IL36B: variants seen among roughly 807,000 people sequenced by gnomAD.
The protein encoded by IL36B is interleukin-36 beta.
Under a neutral mutation model 19.3 loss-of-function variants are expected in IL36B, and 23 were observed. The observed-to-expected ratio is 1.19, with a 90% confidence interval of 0.86 to 1.69. The LOEUF (loss-of-function observed/expected upper bound fraction) is 1.69. IL36B is among the 40% of genes most tolerant of loss of function. The pLI is 0.00. For missense variants in IL36B, 217 were observed against 200.5 expected (o/e 1.08, Z -0.50); for synonymous variants, 59 against 59.7 (o/e 0.99, Z 0.05).
In IL36B at chr2:113,029,061, C is replaced by T. The variant is rs1250810690; in HGVS notation, c.139G>A (p.Ala47Thr). ...TCACTGAATTCTGTGTCTCTACAGG[C>T]TATTAAATGAAGAGTGACTGGAAAC... is the stretch of plus-strand genomic sequence containing the variant. Residue 47 changes from alanine to threonine, a missense_variant, in exon 4 of 6, where the codon GCC (alanine) becomes ACC (threonine). Transcript: ENST00000259213. The T allele has an allele frequency of 6.2e-7, 1 of 1,612,668 alleles. No individual in the cohort carries two copies. The highest frequency in any genetic ancestry group is 8.5e-7 in the Non-Finnish European group (1 of 1,179,452).
intron 1 of IL36B, among the ~76,000 whole-genome samples, chr2:113,042,062 A>G (rs1014310376): frequency 4.6e-5 from 7 of 152,222 alleles, no homozygotes; most frequent in Non-Finnish European, 1.5e-5. Flanking sequence ...ACTTCACCTC[A>G]TAAGGACAAC....
chr2:113,022,526 C>A lies in IL36B; in HGVS notation c.*148G>T. The A allele has an allele frequency of 1.7e-6, 1 of 589,306 alleles. No individual in the cohort carries two copies. The highest frequency in any genetic ancestry group is 3.0e-5 in the Admixed American group (1 of 33,184). 36.5% of individuals were successfully genotyped at this position (589,306 alleles called of 1,614,324 possible). A position where few individuals can be genotyped will look rare whatever the true frequency, so the allele number is the denominator to read the frequency against. ...GCTTTACAGGTAAGATTTACCAACTCTTTAAAAATACATAGTGTCCTTGTT... is the reference window on the plus strand; with the variant it reads ...GCTTTACAGGTAAGATTTACCAACTATTTAAAAATACATAGTGTCCTTGTT... On this transcript the variant is annotated 3_prime_UTR_variant, in exon 6 of 6. Coordinates refer to ENST00000259213, the MANE Select transcript of IL36B (RefSeq NM_014438.5).
At chr2:113,031,943 A>G (rs2105045018) in intron 1 of IL36B, among the ~76,000 whole-genome samples, 177 bp from the exon 2 acceptor site, 1 of 152,284 alleles carries the variant, frequency 6.6e-6, no homozygotes, top group Non-Finnish European at 1.5e-5. Flanking sequence ...AGAAAACCCT[A>G]AAAGGAAGCT....
intron 3 of IL36B, 22 bp downstream of exon 3, chr2:113,031,026 A>T (rs763859231): frequency 1.6e-5 from 24 of 1,528,156 alleles, no homozygotes; most frequent in Non-Finnish European, 2.0e-5. Context: ...AAGAAGCAAC[A>T]GTGGGTTTGA....
At chr2:113,030,719 T>C (rs1278122728) in intron 3 of IL36B, among the ~76,000 whole-genome samples, 1 of 152,198 alleles carries the variant, frequency 6.6e-6, no homozygotes, top group East Asian at 1.9e-4. Context: ...AGTTTGAATC[T>C]GAGGACACAG....
At chr2:113,039,913 C>G (rs974794197) in intron 1 of IL36B, among the ~76,000 whole-genome samples, 1 of 152,190 alleles carries the variant, frequency 6.6e-6, no homozygotes, top group Non-Finnish European at 1.5e-5. Flanking sequence ...ACAAGGCATG[C>G]AGGCAGATCC....
intron 3 of IL36B, 45 bp from the exon 4 acceptor site, chr2:113,029,123 G>C: frequency 1.3e-6 from 2 of 1,588,440 alleles, no homozygotes; most frequent in Non-Finnish European, 8.6e-7. Context: ...AGTCTTTCTG[G>C]TCTGACACTC....
At chr2:113,048,975 C>T (rs755758265) in intron 1 of IL36B, among the ~76,000 whole-genome samples, 1 of 152,130 alleles carries the variant, frequency 6.6e-6, no homozygotes, top group Non-Finnish European at 1.5e-5. Context: ...TTAAAATATG[C>T]TAGCTATTGT....
rs1258836064 is a variant in IL36B at position 113,022,544 on chromosome 2, T to C, written c.*130A>G. ...ACCAACTCTTTAAAAATACATAGTGTCCTTGTTTTACAAACTCTCCAGAAC... is the reference window on the plus strand; with the variant it reads ...ACCAACTCTTTAAAAATACATAGTGCCCTTGTTTTACAAACTCTCCAGAAC... On this transcript the variant is annotated 3_prime_UTR_variant, in exon 6 of 6. Coordinates refer to ENST00000259213, the MANE Select transcript of IL36B (RefSeq NM_014438.5). 4 of 618,614 alleles carry C rather than the reference T, an allele frequency of 6.5e-6. No individual in the cohort carries two copies. In the African/African-American group the frequency reaches 7.4e-5, roughly 11 times the overall value. 38.3% of individuals were successfully genotyped at this position (618,614 alleles called of 1,614,324 possible).
Position 113,031,750 on chromosome 2 carries a change from A to T in IL36B, c.-41T>A, listed in dbSNP as rs1558832840. Reference sequence around the variant, plus strand: ...TTTTGTGAAGAGAACAAGATAGATCAGATGGTGGTGAGGAGGCTGTTAACA... The same window carrying T: ...TTTTGTGAAGAGAACAAGATAGATCTGATGGTGGTGAGGAGGCTGTTAACA... On this transcript the variant is annotated 5_prime_UTR_variant, in exon 2 of 6. Transcript: ENST00000259213. The T allele has an allele frequency of 6.4e-7, 1 of 1,556,018 alleles. No homozygotes were observed. The highest frequency in any genetic ancestry group is 8.9e-7 in the Non-Finnish European group (1 of 1,129,342).
chr2:113,048,155 A>G (rs1685379383), intron 1 of IL36B, among the ~76,000 whole-genome samples: 1 of 152,248 alleles, frequency 6.6e-6, no homozygotes, highest in Non-Finnish European at 1.5e-5. Context: ...AAAGGTAAGA[A>G]GGTGGAGAAA....
rs549894756 is a variant in IL36B, at chr2:113,031,431, TA to T, written c.13+265del. ...TCCGAATGATAAAATGTCTAGGTGG[TA>T]AAAAAAACCCCATAATATTTAAATT... On this transcript the variant is annotated intron_variant, in intron 2 of 5. Coordinates refer to ENST00000259213, the MANE Select transcript of IL36B (RefSeq NM_014438.5). Among the ~76,000 whole-genome samples, 26 of 152,062 alleles carry T rather than the reference TA, an allele frequency of 1.7e-4. No homozygotes were observed. In the South Asian group the frequency reaches 3.7e-3, roughly 22 times the overall value.
At chr2:113,027,924 G>A (rs779125170) in intron 4 of IL36B, 1 of 1,614,132 alleles carries the variant, frequency 6.2e-7, no homozygotes, top group Non-Finnish European at 8.5e-7. Flanking sequence ...AATCTAAGTA[G>A]AAGTTAGTGT....
intron 1 of IL36B, among the ~76,000 whole-genome samples, chr2:113,034,425 G>A (rs1685130984): frequency 2.0e-5 from 3 of 152,108 alleles, no homozygotes; most frequent in Non-Finnish European, 2.9e-5. Context: ...CCCTTATTTT[G>A]CTCAACTATT....
chr2:113,048,706 T>C (rs1435329055), intron 1 of IL36B, among the ~76,000 whole-genome samples: 1 of 152,016 alleles, frequency 6.6e-6, no homozygotes, highest in Non-Finnish European at 1.5e-5. Context: ...AATCTGATTA[T>C]TAAAAAATCA....
At chr2:113,035,625 G>A (rs1300773500) in intron 1 of IL36B, among the ~76,000 whole-genome samples, 1 of 152,104 alleles carries the variant, frequency 6.6e-6, no homozygotes, top group Non-Finnish European at 1.5e-5. Flanking sequence ...AGAAATTAAA[G>A]AAGAAGAAAA....
chr2:113,028,003 C>T (rs915174745), intron 4 of IL36B: 3 of 1,614,100 alleles, frequency 1.9e-6, no homozygotes, highest in African/African-American at 1.3e-5. Flanking sequence ...GGCTATGAAC[C>T]AGCCAGGGTA....
intron 1 of IL36B, among the ~76,000 whole-genome samples, chr2:113,046,359 G>A (rs181168135): frequency 9.9e-5 from 15 of 151,952 alleles, no homozygotes; most frequent in African/African-American, 3.6e-4. Context: ...ACAGACTCCC[G>A]CCACCACGCT....
At chr2:113,051,077 G>A (rs954567042) in intron 1 of IL36B, among the ~76,000 whole-genome samples, 5 of 152,078 alleles carry the variant, frequency 3.3e-5, no homozygotes, top group African/African-American at 7.2e-5. Context: ...GCCTCTCATC[G>A]TGGCCTCCCG....
Sources: allele counts gnomAD v4.1 joint callset (sites outside exome capture counted in the v4.1 genomes callset), GRCh38; gene constraint gnomAD v4.1.1; transcripts MANE v1.5; gene names NCBI Gene and HGNC (gene_info 2026-07-23, HGNC 2026-07-21).